TEX11: variants seen among roughly 807,000 people sequenced by gnomAD.
TEX11 encodes testis expressed 11, also known as testis-expressed protein 11.
In TEX11, 7 loss-of-function variants were observed where a neutral mutation model predicts 84.4. The ratio of observed to expected loss-of-function variants is 0.08; its 90% CI spans 0.05 to 0.16. The LOEUF (loss-of-function observed/expected upper bound fraction) is 0.16, where lower values mean the gene tolerates loss of function less well. Among genes scored for constraint, TEX11 ranks in the 10% least tolerant of loss-of-function variants. The pLI, the probability that TEX11 is intolerant of heterozygous loss-of-function variation, is 1.00. For missense variants in TEX11, 551 were observed against 660.5 expected (o/e 0.83, Z 1.82); for synonymous variants, 264 against 222.8 (o/e 1.18, Z -1.64).
intron 24 of TEX11, among the ~76,000 whole-genome samples, chrX:70,594,084 A>G (rs2088971837): frequency 8.9e-6 from 1 of 111,937 alleles, no homozygotes; most frequent in Admixed American, 9.5e-5. Context: ...ACATTACAAA[A>G]TGGTAAAAGA....
At chrX:70,856,297 A>G (rs1303337664) in intron 5 of TEX11, among the ~76,000 whole-genome samples, 1 of 111,628 alleles carries the variant, frequency 9.0e-6, no homozygotes, top group Admixed American at 9.6e-5. Flanking sequence ...GTTACCATTT[A>G]TCTAAGAAAA....
chrX:70,614,689 C>G (rs1419151108), intron 20 of TEX11, among the ~76,000 whole-genome samples: 2 of 111,579 alleles, frequency 1.8e-5, no homozygotes, highest in Non-Finnish European at 3.8e-5. Context: ...GTAGTGCTTA[C>G]AGTGGGCCTT....
intron 9 of TEX11, among the ~76,000 whole-genome samples, chrX:70,794,926 T>C (rs1296834807): frequency 4.8e-5 from 5 of 103,842 alleles, no homozygotes; most frequent in African/African-American, 1.8e-4. Flanking sequence ...ATGGGGAGAG[T>C]CTCCTTCTGC....
intron 2 of TEX11, among the ~76,000 whole-genome samples, chrX:70,894,707 G>A (rs767924850): frequency 6.3e-5 from 7 of 110,946 alleles, no homozygotes; most frequent in Non-Finnish European, 9.4e-5. Flanking sequence ...GCTTCATCCC[G>A]GGGATGCAAG....
chrX:70,575,668 C>T (rs1439744901), intron 25 of TEX11, among the ~76,000 whole-genome samples: 3 of 111,617 alleles, frequency 2.7e-5, no homozygotes, highest in African/African-American at 9.8e-5. Context: ...AAAAATTTTT[C>T]TCTTTTGTAA....
intron 25 of TEX11, among the ~76,000 whole-genome samples, chrX:70,561,958 C>T (rs1014223505): frequency 6.2e-5 from 7 of 112,040 alleles, no homozygotes; most frequent in African/African-American, 2.3e-4. Context: ...TCTGGCTGAA[C>T]CAAGCTGTAT....
intron 2 of TEX11, among the ~76,000 whole-genome samples, chrX:70,904,535 T>C (rs2091819759): frequency 8.9e-6 from 1 of 112,159 alleles, no homozygotes; most frequent in South Asian, 3.7e-4. Flanking sequence ...CAATATCAAA[T>C]ATTAGTAAGG....
intron 9 of TEX11, among the ~76,000 whole-genome samples, chrX:70,753,581 C>T (rs1388089954): frequency 1.8e-5 from 2 of 110,794 alleles, no homozygotes; most frequent in African/African-American, 6.6e-5. Flanking sequence ...CCTGAATAAC[C>T]AACAGTGACA....
rs1055242439 is a variant in TEX11, at chrX:70,804,012, C to T, written c.692+2693G>A. ...ACAATGTTTTTTTTTTTTAATTGTT[C>T]CAAAGATTTAAAGATGTAGATGTTT... On this transcript the variant is annotated intron_variant, in intron 9 of 29. Coordinates refer to ENST00000374333, the MANE Select transcript of TEX11 (RefSeq NM_031276.3). Among the ~76,000 whole-genome samples, 3 of 110,078 alleles carry T rather than the reference C, an allele frequency of 2.7e-5. No individual in the cohort carries two copies. In the South Asian group the frequency reaches 1.2e-3, roughly 42 times the overall value.
chrX:70,543,064 C>T (rs901743265), intron 28 of TEX11, among the ~76,000 whole-genome samples: 42 of 110,411 alleles, frequency 3.8e-4, no homozygotes, highest in African/African-American at 1.3e-3. Flanking sequence ...TGCCTGTAGT[C>T]CCAGCTACTC....
At chrX:70,801,123 C>T (rs2091184955) in intron 9 of TEX11, among the ~76,000 whole-genome samples, 1 of 111,167 alleles carries the variant, frequency 9.0e-6, no homozygotes, top group African/African-American at 3.3e-5. Context: ...CAAAGGTTTT[C>T]AGGGCAAAGT....
Position 70,553,368 on chromosome X carries a change from C to T in TEX11, c.2337G>A (p.Lys779=). Residue 779 remains lysine (K), a synonymous_variant, in exon 27 of 30, where the codon AAG becomes AAA. Transcript: ENST00000374333. ...KPAHYPLIAL[K]ALKKALLLYK... is the part of the protein sequence containing the mutation. ...AGAGCAATAAAGCCTTTTTCAAGGC[C>T]TTGAGAGCAATCAAAGGATAGTGTG... The T allele has an allele frequency of 8.3e-7, 1 of 1,208,419 alleles. No individual in the cohort carries two copies. The highest frequency in any genetic ancestry group is 1.8e-5 in the South Asian group (1 of 56,301).
At chrX:70,578,161 C>T (rs1039526694) in intron 25 of TEX11, among the ~76,000 whole-genome samples, 3 of 112,348 alleles carry the variant, frequency 2.7e-5, no homozygotes, top group Non-Finnish European at 5.6e-5. Flanking sequence ...AGGTTGAATC[C>T]AAAGTGGCAG....
intron 13 of TEX11, among the ~76,000 whole-genome samples, chrX:70,718,143 A>G (rs1489014523): frequency 8.9e-6 from 1 of 112,065 alleles, no homozygotes; most frequent in Non-Finnish European, 1.9e-5. Flanking sequence ...GCAAATGTCT[A>G]CTACATACTG....
At chrX:70,615,913 A>G (rs139063457) in intron 20 of TEX11, among the ~76,000 whole-genome samples, 137 of 112,069 alleles carry the variant, frequency 1.2e-3, no homozygotes, top group African/African-American at 4.2e-3. Context: ...TTTACCCTAG[A>G]ATAGTATTAT....
chrX:70,744,869 C>A (rs1020546533), intron 9 of TEX11, among the ~76,000 whole-genome samples: 59 of 106,944 alleles, frequency 5.5e-4, no homozygotes, highest in Non-Finnish European at 8.6e-4. Flanking sequence ...CATCACCATG[C>A]GTGGCTAATT....
chrX:70,885,336 A>G (rs890093795), intron 2 of TEX11, among the ~76,000 whole-genome samples: 7 of 112,185 alleles, frequency 6.2e-5, no homozygotes, highest in African/African-American at 2.3e-4. Context: ...ATAGAGTTAT[A>G]TAATTTACCT....
chrX:70,681,577 A>G (rs1185309728), intron 14 of TEX11, among the ~76,000 whole-genome samples: 1 of 112,030 alleles, frequency 8.9e-6, no homozygotes, highest in Non-Finnish European at 1.9e-5. Context: ...TTATTGTACT[A>G]TTAATATATC....
the TEX11 span, among the ~76,000 whole-genome samples, chrX:70,518,775 A>G: frequency 1.8e-5 from 2 of 110,619 alleles, no homozygotes; most frequent in Non-Finnish European, 3.8e-5. Flanking sequence ...GTAGATCTCT[A>G]AGGACTTGCT....
Sources: gnomAD v4.1 joint callset for allele counts (sites outside exome capture counted in the v4.1 genomes callset) on GRCh38, gnomAD v4.1.1 for gene constraint, MANE v1.5 for transcripts, NCBI Gene and HGNC (gene_info 2026-07-23, HGNC 2026-07-21) for gene names.